Variants in ZNF124 observed in about 807,000 individuals in gnomAD.
The protein encoded by ZNF124 is zinc finger protein HZF-16.
A neutral mutation model predicts 26.6 loss-of-function variants in ZNF124; 25 were observed. That is an observed-to-expected ratio of 0.94 (90% CI 0.68 to 1.31). ZNF124 has a LOEUF of 1.31. Among genes scored for constraint, ZNF124 ranks in the 40% most tolerant of loss-of-function variants. The pLI is 0.00. For missense variants in ZNF124, 444 were observed against 422.2 expected (o/e 1.05, Z -0.45); for synonymous variants, 129 against 133.3 (o/e 0.97, Z 0.22).
At chr1:247,135,759 A>C (rs1348587655) in intron 3 of ZNF124, among the ~76,000 whole-genome samples, 3 of 152,224 alleles carry the variant, frequency 2.0e-5, no homozygotes, top group Non-Finnish European at 4.4e-5. Context: ...ACCCTGATGA[A>C]CGTCAATGCA....
intron 3 of ZNF124, among the ~76,000 whole-genome samples, chr1:247,130,929 A>G (rs1245816989): frequency 6.6e-6 from 1 of 152,194 alleles, no homozygotes; most frequent in Non-Finnish European, 1.5e-5. Context: ...ACGAAAAATT[A>G]GCTGGGCGTG....
intron 2 of ZNF124, 142 bp downstream of exon 2, chr1:247,159,545 C>G (rs1055076671): frequency 4.6e-5 from 35 of 764,508 alleles, no homozygotes; most frequent in Non-Finnish European, 6.3e-5. Flanking sequence ...GACTAAGAAA[C>G]AAGAGTCATT....
Position 247,126,460 on chromosome 1 carries a change from C to T in ZNF124, c.219-2589G>A, listed in dbSNP as rs1384704055. 3.8e-4 allele frequency among the ~76,000 whole-genome samples: 6 copies of T among 15,812 alleles called. No individual in the cohort carries two copies. The South Asian group carries it at 6.1e-3, about 16-fold the overall frequency. The allele number at this position is 15,812 out of a possible 152,430, so 10.4% of individuals were successfully genotyped here. A position where few individuals can be genotyped will look rare whatever the true frequency, so the allele number is the denominator to read the frequency against. On this transcript the variant is annotated intron_variant, in intron 3 of 3. Transcript: ENST00000472531. ...CTCTCGTGCCCGCACGTGCGTGTCTCGGTCAGTAGCCCTGCGCTTCTCCTT... is the reference window on the plus strand; with the variant it reads ...CTCTCGTGCCCGCACGTGCGTGTCTTGGTCAGTAGCCCTGCGCTTCTCCTT...
intron 3 of ZNF124, among the ~76,000 whole-genome samples, chr1:247,145,299 G>A (rs1447305186): frequency 6.6e-6 from 1 of 152,136 alleles, no homozygotes; most frequent in African/African-American, 2.4e-5. Context: ...AAGACACAAC[G>A]TTGTCAGAGT....
chr1:247,151,946 C>G (rs112071016), downstream of ZNF124, among the ~76,000 whole-genome samples: 2,208 of 152,048 alleles, frequency 0.015, 51 homozygotes, highest in African/African-American at 0.05. Context: ...AGGAAAGTGA[C>G]CTATGCTGTT....
At chr1:247,145,474 C>T (rs1448364184) in intron 3 of ZNF124, among the ~76,000 whole-genome samples, 2 of 152,056 alleles carry the variant, frequency 1.3e-5, no homozygotes, top group African/African-American at 2.4e-5. Context: ...TGAGAACGGT[C>T]GGGGGCCTCC....
At chr1:247,151,408 G>A (rs1421777550), downstream of ZNF124, among the ~76,000 whole-genome samples, 1 of 151,716 alleles carries the variant, frequency 6.6e-6, no homozygotes, top group African/African-American at 2.4e-5. Context: ...GAACTCGGGA[G>A]GCGGAGCTTG....
intron 3 of ZNF124, among the ~76,000 whole-genome samples, chr1:247,158,728 C>T (rs551459199): frequency 6.6e-6 from 1 of 152,114 alleles, no homozygotes; most frequent in Non-Finnish European, 1.5e-5. Flanking sequence ...CTCCCAGGTT[C>T]AAGCAATTCT....
chr1:247,157,285 T>C lies in ZNF124; in HGVS notation c.337A>G (p.Thr113Ala), dbSNP rs1673206308. 1.2e-6 allele frequency: 2 copies of C among 1,609,370 alleles called. No individual in the cohort carries two copies. The highest frequency in any genetic ancestry group is 1.1e-5 in the South Asian group (1 of 90,662). Residue 113 changes from threonine to alanine, a missense_variant, in exon 4 of 4, where the codon ACA becomes GCA. By Grantham distance (58) the Thr-to-Ala change is moderately conservative (BLOSUM62 0). Coordinates refer to ENST00000543802, the MANE Select transcript of ZNF124 (RefSeq NM_001297568.2). ...SLSVTRVHRD[T>A]VMHTGNGHYG... is the part of the protein sequence containing the mutation. ...TGTCCATTTCCAGTGTGCATTACTGTGTCTCTGTGAACCCTTGTGACAGAA... is the reference window on the plus strand; with the variant it reads ...TGTCCATTTCCAGTGTGCATTACTGCGTCTCTGTGAACCCTTGTGACAGAA...
intron 3 of ZNF124, among the ~76,000 whole-genome samples, chr1:247,124,329 G>T (rs978211817): frequency 2.6e-5 from 4 of 151,496 alleles, no homozygotes; most frequent in African/African-American, 9.7e-5. Context: ...TAAGTCTCCT[G>T]CGTAGCTGGG....
chr1:247,159,288 T>G (rs893269432), intron 2 of ZNF124, among the ~76,000 whole-genome samples: 2 of 152,180 alleles, frequency 1.3e-5, no homozygotes, highest in Admixed American at 6.5e-5. Context: ...CTTGCAAGAC[T>G]GAATTAGTTG....
At position 247,157,158 on chromosome 1, in the gene ZNF124, CA is replaced by C. The variant is rs767702954; in HGVS notation, c.463del (p.Cys155ValfsTer5). ...ACGGGAAAAACCTAAGGCTTTCCCA[CA>C]TTCCATACATTCATAGGGTTTCTCT... ...TGEKPYECME[C>X]GKALGFSRSL... is the part of the protein sequence containing the mutation. On this transcript the variant is annotated frameshift_variant, in exon 4 of 4. Transcript: ENST00000543802. LOFTEE classifies it high-confidence loss of function. The C allele has an allele frequency of 1.3e-4, 206 of 1,614,086 alleles. No homozygotes were observed. The highest frequency in any genetic ancestry group is 1.6e-4 in the Non-Finnish European group (190 of 1,179,954).
At chr1:247,149,980 A>T (rs1672884426) in intron 3 of ZNF124, 1 of 152,212 alleles carries the variant, frequency 6.6e-6, no homozygotes, top group Non-Finnish European at 1.5e-5. Flanking sequence ...AGGGGCAGAA[A>T]GGGCAGAACT....
chr1:247,148,841 G>A (rs1672853428), intron 3 of ZNF124, among the ~76,000 whole-genome samples: 1 of 152,040 alleles, frequency 6.6e-6, no homozygotes, highest in Admixed American at 6.6e-5. Context: ...GTGGTGGCGG[G>A]TACCTGTAGG....
chr1:247,125,651 C>T (rs915022995), intron 3 of ZNF124, among the ~76,000 whole-genome samples: 1 of 105,548 alleles, frequency 9.5e-6, no homozygotes, highest in African/African-American at 3.8e-5. Context: ...AGGCTGGTCT[C>T]CAACTCCTGA....
intron 1 of ZNF124, among the ~76,000 whole-genome samples, chr1:247,164,595 AAAAAC>A (rs950019355): frequency 5.9e-5 from 9 of 152,244 alleles, no homozygotes; most frequent in East Asian, 1.9e-4. Context: ...CTGGGAAAAA[AAAAAC>A]AAAACAAAAC....
chr1:247,150,835 G>A (rs1252575417), downstream of ZNF124, among the ~76,000 whole-genome samples: 2 of 151,528 alleles, frequency 1.3e-5, no homozygotes, highest in Non-Finnish European at 2.9e-5. Context: ...AATCTCTGTG[G>A]CCTTAAGAGA....
At chr1:247,147,983 T>C (rs1211275320) in intron 3 of ZNF124, among the ~76,000 whole-genome samples, 1 of 152,126 alleles carries the variant, frequency 6.6e-6, no homozygotes, top group Non-Finnish European at 1.5e-5. Flanking sequence ...GAGAGAGAGA[T>C]TCTCTGCTTA....
At chr1:247,158,537 CA>C (rs1033691475) in intron 3 of ZNF124, among the ~76,000 whole-genome samples, 70 of 152,180 alleles carry the variant, frequency 4.6e-4, no homozygotes, top group African/African-American at 1.6e-3. Context: ...AACTATTTTG[CA>C]AACATTTAAC....
Sources: allele counts gnomAD v4.1 joint callset (sites outside exome capture counted in the v4.1 genomes callset), GRCh38; gene constraint gnomAD v4.1.1; transcripts MANE v1.5; gene names NCBI Gene and HGNC (gene_info 2026-07-23, HGNC 2026-07-21).